The following KATNAL1 variants were observed in gnomAD, a reference collection of about 807,000 sequenced individuals.
KATNAL1 encodes katanin catalytic subunit A1 like 1.
A neutral mutation model predicts 55.2 loss-of-function variants in KATNAL1; 32 were observed. The ratio of observed to expected loss-of-function variants is 0.58; its 90% confidence interval spans 0.44 to 0.78. KATNAL1 has a LOEUF of 0.78. Ranked by LOEUF, KATNAL1 falls within the 30% of genes least tolerant of loss-of-function variation. KATNAL1 has a pLI of 0.00. For missense variants in KATNAL1, 466 were observed against 600.9 expected (o/e 0.78, Z 2.35); for synonymous variants, 193 against 193.6 (o/e 1.00, Z 0.02).
chr13:30,260,407 C>T (rs958746503), intron 3 of KATNAL1, among the ~76,000 whole-genome samples: 8 of 152,034 alleles, frequency 5.3e-5, no homozygotes, highest in Admixed American at 1.3e-4. Flanking sequence ...AGGCTTCAGA[C>T]GATCAAATTA....
chr13:30,208,342 C>T lies in KATNAL1; in HGVS notation c.*198G>A, dbSNP rs139592620. On this transcript the variant is annotated 3_prime_UTR_variant, in exon 11 of 11. Transcript: ENST00000380615. ...AATACGTGGAATACCAGCACAAAGC[C>T]GGGGAGGGAGACTAGCAAACTCTCG... 194 of 519,234 alleles carry T rather than the reference C, an allele frequency of 3.7e-4. No homozygotes were observed. The highest frequency in any genetic ancestry group is 3.2e-3 in the African/African-American group (167 of 51,752). 32.2% of individuals were successfully genotyped at this position (519,234 alleles called of 1,614,324 possible).
chr13:30,304,158 T>A (rs1010857201), intron 1 of KATNAL1, among the ~76,000 whole-genome samples: 1 of 152,196 alleles, frequency 6.6e-6, no homozygotes, highest in Non-Finnish European at 1.5e-5. Context: ...ACTTACTTTC[T>A]TTCCTTATTT....
chr13:30,242,593 G>A (rs1404327255), intron 4 of KATNAL1, among the ~76,000 whole-genome samples: 8 of 152,108 alleles, frequency 5.3e-5, no homozygotes, highest in African/African-American at 2.4e-5. Context: ...AATGTATTGC[G>A]CAGAAGAAAG....
intron 5 of KATNAL1, 45 bp from the exon 6 acceptor site, chr13:30,240,610 T>C (rs994706413): frequency 1.3e-5 from 17 of 1,314,520 alleles, no homozygotes; most frequent in Non-Finnish European, 1.9e-5. Context: ...TCAGGGATCT[T>C]TGATTTATGG....
intron 3 of KATNAL1, among the ~76,000 whole-genome samples, chr13:30,276,306 A>G (rs9508689): frequency 0.096 from 14,600 of 152,240 alleles, 1,047 homozygotes; most frequent in African/African-American, 0.2. Context: ...AACTTCAAAC[A>G]ATGTGGCAAA....
intron 6 of KATNAL1, among the ~76,000 whole-genome samples, chr13:30,235,105 A>G (rs764583083): frequency 6.6e-6 from 1 of 152,230 alleles, no homozygotes; most frequent in East Asian, 1.9e-4. Context: ...TCAATTGATC[A>G]CGTGAGCTTC....
At chr13:30,210,126 T>C (rs1873532191) in intron 10 of KATNAL1, among the ~76,000 whole-genome samples, 190 bp downstream of exon 10, 1 of 151,166 alleles carries the variant, frequency 6.6e-6, no homozygotes, top group South Asian at 2.1e-4. Context: ...ACCACTGCTA[T>C]ATAATTTTCA....
intron 3 of KATNAL1, among the ~76,000 whole-genome samples, chr13:30,259,827 G>A (rs1293217366): frequency 1.3e-5 from 2 of 152,234 alleles, no homozygotes; most frequent in African/African-American, 4.8e-5. Flanking sequence ...GGCTTGCTTA[G>A]GTAAACAAAG....
chr13:30,283,707 G>A lies in KATNAL1; in HGVS notation c.71C>T (p.Ser24Leu), dbSNP rs1339235649. ...REYALLGNYDSSMVYYQGVMQ... is the reference protein window; with the variant it reads ...REYALLGNYDLSMVYYQGVMQ... ...CACCCCCTGGTAATATACCATTGAT[G>A]AGTCGTAATTTCCAAGAAGGGCATA... Residue 24 changes from serine (S) to leucine (L), a missense_variant, in exon 2 of 11, where the codon TCA (serine) becomes TTA (leucine). Around this residue, in one of 3 missense-constraint regions of KATNAL1, gnomAD observed 248 missense variants for 275.5 expected, o/e 0.90. Coordinates refer to ENST00000380615, the MANE Select transcript of KATNAL1 (RefSeq NM_032116.5). 9.3e-6 allele frequency: 15 copies of A among 1,613,886 alleles called. No individual in the cohort carries two copies. Among genetic ancestry groups the A allele is most frequent in the Non-Finnish European group, 1.2e-5 (14 of 1,179,862 alleles).
chr13:30,269,599 C>T (rs572121965), intron 3 of KATNAL1, among the ~76,000 whole-genome samples: 6 of 151,688 alleles, frequency 4.0e-5, no homozygotes, highest in East Asian at 3.9e-4. Context: ...CGTCTCTGCC[C>T]GGCCGCCATC....
At chr13:30,264,184 T>C (rs1055568528) in intron 3 of KATNAL1, among the ~76,000 whole-genome samples, 1 of 150,994 alleles carries the variant, frequency 6.6e-6, no homozygotes, top group Non-Finnish European at 1.5e-5. Flanking sequence ...TGTAGAAAGC[T>C]GAAACTGGAT....
chr13:30,291,549 G>C (rs1284402776), intron 1 of KATNAL1, among the ~76,000 whole-genome samples: 1 of 152,052 alleles, frequency 6.6e-6, no homozygotes, highest in African/African-American at 2.4e-5. Context: ...GCCTTTTTAG[G>C]AAAAATTGAC....
At chr13:30,253,921 G>C (rs773209601) in intron 4 of KATNAL1, among the ~76,000 whole-genome samples, 4 of 152,108 alleles carry the variant, frequency 2.6e-5, no homozygotes, top group Non-Finnish European at 5.9e-5. Context: ...TGAGACGCTG[G>C]CAAGTTTTAG....
At chr13:30,266,442 T>A (rs1408310541) in intron 3 of KATNAL1, among the ~76,000 whole-genome samples, 1 of 152,238 alleles carries the variant, frequency 6.6e-6, no homozygotes, top group Non-Finnish European at 1.5e-5. Context: ...AAGCATAATT[T>A]ACATATAATT....
chr13:30,230,992 A>G (rs1416907719), intron 7 of KATNAL1, among the ~76,000 whole-genome samples: 1 of 152,254 alleles, frequency 6.6e-6, no homozygotes, highest in African/African-American at 2.4e-5. Context: ...TAAAATACAT[A>G]TGAAAATATT....
chr13:30,265,349 T>C (rs1165153880), intron 3 of KATNAL1, among the ~76,000 whole-genome samples: 3 of 151,322 alleles, frequency 2.0e-5, no homozygotes, highest in Admixed American at 2.0e-4. Context: ...ATTGTGCACA[T>C]GTACCCTAAA....
At chr13:30,209,217 AT>A (rs1417563140) in intron 10 of KATNAL1, among the ~76,000 whole-genome samples, 3 of 152,244 alleles carry the variant, frequency 2.0e-5, no homozygotes, top group African/African-American at 7.2e-5. Flanking sequence ...TACATGGAGT[AT>A]TTGTAGGCAA....
At chr13:30,252,177 CA>C (rs1421999965) in intron 4 of KATNAL1, among the ~76,000 whole-genome samples, 1 of 152,156 alleles carries the variant, frequency 6.6e-6, no homozygotes, top group Non-Finnish European at 1.5e-5. Context: ...AATTTCTCTA[CA>C]CATAAAACAG....
intron 4 of KATNAL1, among the ~76,000 whole-genome samples, chr13:30,249,193 T>A (rs181146542): frequency 6.6e-6 from 1 of 151,980 alleles, no homozygotes; most frequent in South Asian, 2.1e-4. Flanking sequence ...GATTGCACCA[T>A]TGAACTCCAA....
Sources: allele counts gnomAD v4.1 joint callset (sites outside exome capture counted in the v4.1 genomes callset), GRCh38; gene constraint gnomAD v4.1.1; regional missense constraint gnomAD v4.1.1; transcripts MANE v1.5; gene names NCBI Gene and HGNC (gene_info 2026-07-23, HGNC 2026-07-21).